Variants in SLC2A13 observed in about 807,000 individuals in gnomAD.
The protein encoded by SLC2A13 is solute carrier family 2 member 13, also known as proton myo-inositol cotransporter.
Under a neutral mutation model 64.4 loss-of-function variants are expected in SLC2A13, and 32 were observed. The ratio of observed to expected loss-of-function variants is 0.50; its 90% CI spans 0.37 to 0.67. The LOEUF is 0.67. Ranked by LOEUF, SLC2A13 falls within the 30% of genes least tolerant of loss-of-function variation. The probability of loss-of-function intolerance (pLI) is 0.00; values close to 1 mark genes in which losing one functional copy is unlikely to be tolerated. For synonymous variants in SLC2A13, 338 were observed against 327.1 expected (o/e 1.03, Z -0.36); for missense variants, 743 against 829.2 (o/e 0.90, Z 1.28).
chr12:39,770,762 A>G (rs7962740), intron 7 of SLC2A13, among the ~76,000 whole-genome samples: 2,357 of 152,234 alleles, frequency 0.015, 58 homozygotes, highest in African/African-American at 0.051. Context: ...CCTAAATTGG[A>G]ATGGTTTAAA....
At chr12:39,908,355 C>T (rs1034318364) in intron 4 of SLC2A13, 3 of 151,916 alleles carry the variant, frequency 2.0e-5, no homozygotes, top group Admixed American at 6.6e-5. Context: ...TGTTTTCTTC[C>T]TGTTAATTAT....
chr12:40,073,162 T>G (rs1187885273), intron 1 of SLC2A13, among the ~76,000 whole-genome samples: 1 of 152,096 alleles, frequency 6.6e-6, no homozygotes, highest in Non-Finnish European at 1.5e-5. Flanking sequence ...ATTCCTTCCA[T>G]CCATCCCTTG....
intron 2 of SLC2A13, among the ~76,000 whole-genome samples, chr12:40,040,086 G>A (rs1948059596): frequency 6.6e-6 from 1 of 152,168 alleles, no homozygotes; most frequent in South Asian, 2.1e-4. Flanking sequence ...GATAACTGAA[G>A]GTGAGAGCAA....
At chr12:40,032,083 G>T (rs569985723) in intron 2 of SLC2A13, among the ~76,000 whole-genome samples, 2 of 152,248 alleles carry the variant, frequency 1.3e-5, no homozygotes, top group East Asian at 3.9e-4. Flanking sequence ...CCAGTTTCCA[G>T]GCCCCACCCT....
intron 3 of SLC2A13, among the ~76,000 whole-genome samples, chr12:39,962,523 A>C (rs1008985215): frequency 3.3e-5 from 5 of 152,220 alleles, no homozygotes; most frequent in Non-Finnish European, 5.9e-5. Context: ...TCTCTGCCTG[A>C]ACTCCTCATG....
chr12:39,898,739 T>C (rs1306488940), intron 4 of SLC2A13, among the ~76,000 whole-genome samples: 2 of 152,168 alleles, frequency 1.3e-5, no homozygotes, highest in African/African-American at 4.8e-5. Context: ...GTTCATGGAA[T>C]GGAACCAGAG....
intron 1 of SLC2A13, among the ~76,000 whole-genome samples, chr12:40,104,371 C>T (rs180968986): frequency 3.2e-4 from 48 of 152,278 alleles, no homozygotes; most frequent in Non-Finnish European, 6.6e-4. Flanking sequence ...ATTGTACCTC[C>T]CCTGCTCAGC....
chr12:39,972,011 TA>T (rs2136131381), intron 3 of SLC2A13, among the ~76,000 whole-genome samples: 1 of 48,032 alleles, frequency 2.1e-5, no homozygotes, highest in African/African-American at 6.7e-5. Context: ...TATATATATA[TA>T]TATTTTTTTT....
chr12:40,075,408 G>A (rs1565616045), intron 1 of SLC2A13, among the ~76,000 whole-genome samples: 1 of 152,288 alleles, frequency 6.6e-6, no homozygotes, highest in Non-Finnish European at 1.5e-5. Context: ...CCAGTTTTGG[G>A]GGTAGTGGTT....
chr12:39,856,773 C>T (rs1233160411), intron 6 of SLC2A13, among the ~76,000 whole-genome samples: 1 of 152,196 alleles, frequency 6.6e-6, no homozygotes, highest in African/African-American at 2.4e-5. Flanking sequence ...GCTTTTACAA[C>T]ATGATGGGAA....
chr12:40,079,588 G>A (rs1938315448), intron 1 of SLC2A13, among the ~76,000 whole-genome samples: 1 of 152,138 alleles, frequency 6.6e-6, no homozygotes, highest in Non-Finnish European at 1.5e-5. Flanking sequence ...TGTTGTTGTT[G>A]GGTGGCATAT....
rs372341178 is a variant in SLC2A13, at chr12:39,948,790, T to C, written c.1034+2467A>G. On this transcript the variant is annotated intron_variant, in intron 4 of 9. Coordinates refer to ENST00000280871, the MANE Select transcript of SLC2A13 (RefSeq NM_052885.4). ...GCTGGAAAAAAAGAGTAAAATTTTATATACATAAACATATGTGTTATATGT... is the reference window on the plus strand; with the variant it reads ...GCTGGAAAAAAAGAGTAAAATTTTACATACATAAACATATGTGTTATATGT... 2.6e-5 allele frequency among the ~76,000 whole-genome samples: 4 copies of C among 152,258 alleles called. No individual in the cohort carries two copies. The East Asian group carries it at 7.7e-4, about 29-fold the overall frequency.
chr12:40,020,728 C>T lies in SLC2A13; in HGVS notation c.925+7573G>A, dbSNP rs552785046. 3.6e-4 allele frequency among the ~76,000 whole-genome samples: 55 copies of T among 152,102 alleles called. No homozygotes were observed. In the South Asian group the frequency reaches 5.0e-3, roughly 14 times the overall value. ...TTCAGGACCTTCTGGTAACCTTCTA[C>T]AAAGATCAGGTAACCTTTAAAGGGC... On this transcript the variant is annotated intron_variant, in intron 3 of 9. Coordinates refer to ENST00000280871, the MANE Select transcript of SLC2A13 (RefSeq NM_052885.4).
chr12:40,073,120 T>C (rs1173793295), intron 1 of SLC2A13, among the ~76,000 whole-genome samples: 1 of 152,114 alleles, frequency 6.6e-6, no homozygotes, highest in Admixed American at 6.6e-5. Context: ...TCATGAGTAG[T>C]ATGAATACCT....
At chr12:39,907,020 T>C (rs1945304045) in intron 4 of SLC2A13, among the ~76,000 whole-genome samples, 1 of 152,176 alleles carries the variant, frequency 6.6e-6, no homozygotes, top group Admixed American at 6.6e-5. Context: ...GAGTTATTTA[T>C]TAGAAGATAC....
At chr12:40,044,367 G>A (rs1426633305) in intron 2 of SLC2A13, among the ~76,000 whole-genome samples, 4 of 152,100 alleles carry the variant, frequency 2.6e-5, no homozygotes, top group African/African-American at 9.7e-5. Flanking sequence ...TTTTTAGGGT[G>A]ACGAAAATGT....
In SLC2A13 at chr12:39,896,489, T is replaced by C. The variant is rs1476967632; in HGVS notation, c.1035-24528A>G. Among the ~76,000 whole-genome samples, 5 of 148,236 alleles carry C rather than the reference T, an allele frequency of 3.4e-5. No homozygotes were observed. The South Asian group carries it at 8.5e-4, about 25-fold the overall frequency. The stretch of plus-strand genomic sequence containing the variant: ...ATACATATATGTATATGTGTATATA[T>C]GTACACATATATGTATGTACATGTG... On this transcript the variant is annotated intron_variant, in intron 4 of 9. Coordinates refer to ENST00000280871, the MANE Select transcript of SLC2A13 (RefSeq NM_052885.4).
chr12:39,830,408 T>C (rs1942820615), intron 6 of SLC2A13, 180 bp from the exon 7 acceptor site: 1 of 1,329,174 alleles, frequency 7.5e-7, no homozygotes, highest in Admixed American at 3.2e-5. Context: ...GCTGGTCTCT[T>C]CGATTTCTCC....
chr12:39,939,518 C>A (rs1273070726), intron 4 of SLC2A13, among the ~76,000 whole-genome samples: 3 of 152,172 alleles, frequency 2.0e-5, no homozygotes, highest in Non-Finnish European at 4.4e-5. Flanking sequence ...GGGCTTGAGC[C>A]TACTCCTACA....
Sources: gnomAD v4.1 joint callset for allele counts (sites outside exome capture counted in the v4.1 genomes callset) on GRCh38, gnomAD v4.1.1 for gene constraint, MANE v1.5 for transcripts, NCBI Gene and HGNC (gene_info 2026-07-23, HGNC 2026-07-21) for gene names.